Variants in PAX5 observed in about 807,000 individuals in gnomAD.
PAX5 encodes paired box 5.
Under a neutral mutation model 43.7 loss-of-function variants are expected in PAX5, and 9 were observed. The observed-to-expected ratio is 0.21, with a 90% CI of 0.12 to 0.36. The LOEUF is 0.36. PAX5 is among the 10% of genes least tolerant of loss of function. The pLI is 1.00. For synonymous variants in PAX5, 228 were observed against 214.3 expected, an observed-to-expected ratio of 1.06 and a Z score of -0.56; for missense variants, 383 against 532.7, an observed-to-expected ratio of 0.72 and a Z score of 2.77.
chr9:37,025,944 T>G (rs1324657944), intron 1 of PAX5, among the ~76,000 whole-genome samples: 3 of 152,236 alleles, frequency 2.0e-5, no homozygotes, highest in African/African-American at 7.2e-5. Context: ...GGCCGGCTCC[T>G]AAGCAGAAGC....
chr9:36,997,685 C>A (rs1837502746), intron 5 of PAX5, among the ~76,000 whole-genome samples: 1 of 152,240 alleles, frequency 6.6e-6, no homozygotes, highest in Non-Finnish European at 1.5e-5. Flanking sequence ...CAGTTCAAAC[C>A]AACCAAGAGA....
chr9:36,947,752 C>T (rs890650004), intron 6 of PAX5, among the ~76,000 whole-genome samples: 1 of 151,916 alleles, frequency 6.6e-6, no homozygotes, highest in Non-Finnish European at 1.5e-5. Flanking sequence ...CCAAAACCAT[C>T]ACCCCCACCC....
At chr9:36,911,195 T>C (rs1174280342) in intron 7 of PAX5, among the ~76,000 whole-genome samples, 1 of 152,230 alleles carries the variant, frequency 6.6e-6, no homozygotes, top group Non-Finnish European at 1.5e-5. Context: ...TGCCTGGTTC[T>C]GCCCCACAAG....
In PAX5 at chr9:36,959,106, C is replaced by T. The variant is rs58478305; in HGVS notation, c.780+7443G>A. On this transcript the variant is annotated intron_variant, in intron 6 of 9. Transcript: ENST00000358127. ...TTTGTCCACCCTAGTGAGGATTCCT[C>T]AGGGGAACTGCCCTTCAGTGCCCCT... Among the ~76,000 whole-genome samples, 757 of 152,340 alleles carry T rather than the reference C, an allele frequency of 5.0e-3. 23 individuals are homozygous for T. The East Asian group carries it at 0.09, about 18-fold the overall frequency.
intron 2 of PAX5, among the ~76,000 whole-genome samples, chr9:37,016,342 G>A (rs1428399354): frequency 6.6e-6 from 1 of 152,188 alleles, no homozygotes; most frequent in Non-Finnish European, 1.5e-5. Context: ...TTGAATTGCA[G>A]AATTATCTGA....
chr9:36,913,455 T>C (rs73648171), intron 7 of PAX5, among the ~76,000 whole-genome samples: 7,080 of 152,268 alleles, frequency 0.046, 291 homozygotes, highest in Admixed American at 0.096. Context: ...TGAGCAGAAG[T>C]GGGGAGCCTG....
intron 5 of PAX5, among the ~76,000 whole-genome samples, chr9:36,981,301 T>C (rs1280220036): frequency 6.6e-6 from 1 of 151,948 alleles, no homozygotes; most frequent in African/African-American, 2.4e-5. Flanking sequence ...CTTTCTTCCT[T>C]AGAACGTCAC....
At chr9:36,869,927 GATGGATGGATAA>G (rs1825296387) in intron 8 of PAX5, among the ~76,000 whole-genome samples, 12 of 145,192 alleles carry the variant, frequency 8.3e-5, no homozygotes, top group African/African-American at 2.7e-4. Context: ...TGGATGGATG[GATGGATGGATAA>G]ATGGATGGAT....
chr9:37,006,458 A>T lies in PAX5; in HGVS notation c.475+15T>A, dbSNP rs41312838. 0.027 allele frequency: 44,007 copies of T among 1,603,530 alleles called. 742 individuals are homozygous for T. Among genetic ancestry groups the T allele is most frequent in the Non-Finnish European group, 0.033 (38,646 of 1,171,302 alleles). On this transcript the variant is annotated intron_variant, in intron 4 of 9. Transcript: ENST00000358127. ...CCCATTAGATTTTTAAATTTTTTTT[A>T]AAAGTTCCTCTTACCTATGCTGTGA... is the stretch of plus-strand genomic sequence containing the variant.
intron 8 of PAX5, among the ~76,000 whole-genome samples, chr9:36,866,772 G>C (rs1380665374): frequency 6.6e-6 from 1 of 152,096 alleles, no homozygotes; most frequent in African/African-American, 2.4e-5. Flanking sequence ...ATCCTCATCT[G>C]CACAGCCCTG....
chr9:36,932,767 G>A (rs774960800), intron 6 of PAX5, among the ~76,000 whole-genome samples: 14 of 151,954 alleles, frequency 9.2e-5, no homozygotes, highest in Non-Finnish European at 8.8e-5. Flanking sequence ...GGAGTGTGTC[G>A]GGGGAGGGAT....
At chr9:37,006,077 G>C (rs1357875824) in intron 4 of PAX5, among the ~76,000 whole-genome samples, 1 of 152,200 alleles carries the variant, frequency 6.6e-6, no homozygotes, top group Non-Finnish European at 1.5e-5. Flanking sequence ...AATTGTAGAA[G>C]GGCTGGTTGA....
chr9:36,983,402 C>G (rs564194170), intron 5 of PAX5, among the ~76,000 whole-genome samples: 19 of 152,328 alleles, frequency 1.2e-4, no homozygotes, highest in African/African-American at 3.8e-4. Context: ...ATTATGTCTT[C>G]TGGTGTAGTC....
chr9:37,024,753 C>T (rs1213485883), intron 1 of PAX5, among the ~76,000 whole-genome samples: 1 of 152,174 alleles, frequency 6.6e-6, no homozygotes, highest in African/African-American at 2.4e-5. Context: ...CTAACCTGCA[C>T]CTGAAAGAAG....
chr9:36,944,020 T>C (rs1299025851), intron 6 of PAX5, among the ~76,000 whole-genome samples: 1 of 151,910 alleles, frequency 6.6e-6, no homozygotes, highest in East Asian at 1.9e-4. Context: ...ACTCCATCCC[T>C]ACAAAAATAA....
At chr9:36,930,661 G>A (rs1831050917) in intron 6 of PAX5, among the ~76,000 whole-genome samples, 1 of 152,160 alleles carries the variant, frequency 6.6e-6, no homozygotes, top group African/African-American at 2.4e-5. Context: ...GGTGAGCTGG[G>A]CCAGTTCTAT....
intron 6 of PAX5, among the ~76,000 whole-genome samples, chr9:36,937,569 C>T (rs1214436627): frequency 1.3e-5 from 2 of 152,304 alleles, no homozygotes; most frequent in African/African-American, 2.4e-5. Context: ...ACCTGCTAGG[C>T]CAGGCTCCTC....
chr9:36,849,928 G>C (rs1822986627), intron 8 of PAX5, among the ~76,000 whole-genome samples: 1 of 152,244 alleles, frequency 6.6e-6, no homozygotes, highest in African/African-American at 2.4e-5. Flanking sequence ...TGCCACACAA[G>C]AAGCTGTCTG....
chr9:37,022,958 G>A (rs1588256351), intron 1 of PAX5, among the ~76,000 whole-genome samples: 1 of 152,280 alleles, frequency 6.6e-6, no homozygotes, highest in South Asian at 2.1e-4. Context: ...AGCTCTTAGA[G>A]GGTGGTGGTG....
Sources: allele counts gnomAD v4.1 joint callset (sites outside exome capture counted in the v4.1 genomes callset), GRCh38; gene constraint gnomAD v4.1.1; transcripts MANE v1.5; gene names NCBI Gene and HGNC (gene_info 2026-07-23, HGNC 2026-07-21).